Variants in CIROZ observed in about 807,000 individuals in gnomAD.
CIROZ encodes the protein ciliated left-right organizer ZP-N domains-containing protein.
At chr1:10,963,019 C>A in the CIROZ span, among the ~76,000 whole-genome samples, 1 of 152,152 alleles carries the variant, frequency 6.6e-6, no homozygotes, top group East Asian at 1.9e-4. Flanking sequence ...ACTTGGGAGG[C>A]TGAAGTGGGA....
chr1:10,976,828 G>A, the CIROZ span, among the ~76,000 whole-genome samples: 1 of 152,108 alleles, frequency 6.6e-6, no homozygotes, highest in Non-Finnish European at 1.5e-5. Flanking sequence ...CTGATGGGGA[G>A]GTCAGTGTGA....
At chr1:10,962,863 T>C in the CIROZ span, among the ~76,000 whole-genome samples, 1 of 152,238 alleles carries the variant, frequency 6.6e-6, no homozygotes, top group Non-Finnish European at 1.5e-5. Context: ...CCCACGCCTA[T>C]AATCCCAGGG....
chr1:10,953,878 A>T, the CIROZ span: 1 of 1,247,294 alleles, frequency 8.0e-7, no homozygotes, highest in Non-Finnish European at 1.1e-6. Flanking sequence ...CTGACACCTC[A>T]CTTACCTTGT....
chr1:10,964,944 T>G, the CIROZ span, among the ~76,000 whole-genome samples: 1 of 152,136 alleles, frequency 6.6e-6, no homozygotes, highest in Admixed American at 6.5e-5. Context: ...GCTGGGTTTA[T>G]GAGACATAAA....
At chr1:10,947,898 T>A in the CIROZ span, 3 of 1,613,344 alleles carry the variant, frequency 1.9e-6, no homozygotes, top group South Asian at 3.3e-5. Context: ...AACCCCCCAC[T>A]CCTCCTGGCC....
the CIROZ span, among the ~76,000 whole-genome samples, chr1:10,967,169 A>C: frequency 2.9e-5 from 4 of 139,614 alleles, no homozygotes; most frequent in Admixed American, 7.4e-5. Context: ...AAAAAAAAAA[A>C]AAAACTCCAT....
At chr1:10,977,259 A>G in the CIROZ span, among the ~76,000 whole-genome samples, 1 of 151,630 alleles carries the variant, frequency 6.6e-6, no homozygotes, top group South Asian at 2.1e-4. Context: ...CGAGGCGGGC[A>G]GATCACCTGA....
At chr1:10,957,032 AAGC>A in the CIROZ span, 1 of 1,551,252 alleles carries the variant, frequency 6.4e-7, no homozygotes, top group Admixed American at 2.0e-5. Context: ...CCCGGTGGGC[AAGC>A]AGCTTCTAAA....
the CIROZ span, chr1:10,948,806 C>A: frequency 2.0e-6 from 3 of 1,512,006 alleles, no homozygotes; most frequent in South Asian, 4.1e-5. Flanking sequence ...GGCCTCTTCT[C>A]GCCGGTTTGG....
the CIROZ span, among the ~76,000 whole-genome samples, chr1:10,967,632 T>A: frequency 6.6e-6 from 1 of 152,202 alleles, no homozygotes; most frequent in Non-Finnish European, 1.5e-5. Flanking sequence ...GCTGCATCTT[T>A]AGTGCCTCAA....
chr1:10,955,078 C>T, the CIROZ span: 155 of 1,613,902 alleles, frequency 9.6e-5, no homozygotes, highest in Non-Finnish European at 1.2e-4. Flanking sequence ...CTGGTGGACT[C>T]GGAGGAATCT....
chr1:10,957,781 C>T, the CIROZ span: 3 of 1,603,246 alleles, frequency 1.9e-6, no homozygotes, highest in Admixed American at 3.4e-5. Flanking sequence ...GATCACAAAC[C>T]ATGTGGCCAG....
At chr1:10,951,745 A>AAAAAAAAAATAT in the CIROZ span, among the ~76,000 whole-genome samples, 331 of 119,088 alleles carry the variant, frequency 2.8e-3, no homozygotes, top group Middle Eastern at 4.2e-3. Context: ...AAAAAAAAAA[A>AAAAAAAAAATAT]ATATATATAT....
chr1:10,968,529 C>T, the CIROZ span, among the ~76,000 whole-genome samples: 9 of 152,150 alleles, frequency 5.9e-5, no homozygotes, highest in Non-Finnish European at 1.3e-4. Context: ...AAAGGTAGCT[C>T]GCTGGGGAAA....
At chr1:10,961,998 C>G in the CIROZ span, among the ~76,000 whole-genome samples, 6 of 152,234 alleles carry the variant, frequency 3.9e-5, no homozygotes, top group Admixed American at 3.9e-4. Context: ...TTGTCATCAG[C>G]AGCCTTTTCA....
chr1:10,964,195 A>G, the CIROZ span: 2 of 1,614,176 alleles, frequency 1.2e-6, no homozygotes, highest in Non-Finnish European at 1.7e-6. Flanking sequence ...CGGACACTTC[A>G]TTATGTAGCG....
At chr1:10,955,130 G>T in the CIROZ span, 6 of 1,613,554 alleles carry the variant, frequency 3.7e-6, no homozygotes, top group Non-Finnish European at 5.1e-6. Flanking sequence ...CTTTTGACTA[G>T]ACCCAGTCTC....
chr1:10,948,739 G>C, the CIROZ span: 1 of 1,548,340 alleles, frequency 6.5e-7, no homozygotes, highest in Non-Finnish European at 8.7e-7. Context: ...TCCCCTGGGG[G>C]AGGCTGGGGA....
chr1:10,963,737 C>CA, the CIROZ span, among the ~76,000 whole-genome samples: 83 of 138,440 alleles, frequency 6.0e-4, no homozygotes, highest in African/African-American at 1.6e-3. Flanking sequence ...TTACCCAGGT[C>CA]AAAAAAAAAA....
Sources: gnomAD v4.1 joint callset for allele counts (sites outside exome capture counted in the v4.1 genomes callset) on GRCh38, gnomAD v4.1.1 for gene constraint, MANE v1.5 for transcripts, NCBI Gene and HGNC (gene_info 2026-07-23, HGNC 2026-07-21) for gene names.